The following C10orf88 variants were observed in gnomAD, a reference collection of about 807,000 sequenced individuals.
C10orf88 encodes ATPase PAAT.
Under a neutral mutation model 34.2 loss-of-function variants are expected in C10orf88, and 29 were observed. That is an observed-to-expected ratio of 0.85 (90% CI 0.63 to 1.16). The LOEUF (loss-of-function observed/expected upper bound fraction) is 1.16. Ranked by LOEUF, C10orf88 falls within the 50% of genes most tolerant of loss-of-function variation. The pLI is 0.00. For missense variants in C10orf88, 507 were observed against 533.2 expected (o/e 0.95, Z 0.48); for synonymous variants, 194 against 197.4 (o/e 0.98, Z 0.15).
chr10:122,952,498 T>C (rs1848699329), intron 2 of C10orf88, among the ~76,000 whole-genome samples: 1 of 152,258 alleles, frequency 6.6e-6, no homozygotes, highest in African/African-American at 2.4e-5. Flanking sequence ...CCAAATTAAC[T>C]TTCGGAAGAC....
intron 4 of C10orf88, among the ~76,000 whole-genome samples, chr10:122,938,925 C>T (rs1848559198): frequency 1.3e-5 from 2 of 151,954 alleles, no homozygotes; most frequent in Non-Finnish European, 2.9e-5. Context: ...TAGCCTAAGT[C>T]TTAAGGCATA....
At chr10:122,937,284 A>C (rs148791777) in intron 5 of C10orf88, among the ~76,000 whole-genome samples, 32 of 152,190 alleles carry the variant, frequency 2.1e-4, no homozygotes, top group African/African-American at 7.2e-4. Context: ...TAGTTTTTTA[A>C]TAATCAGGAA....
chr10:122,951,667 C>T (rs572837696), intron 3 of C10orf88, among the ~76,000 whole-genome samples: 8 of 152,150 alleles, frequency 5.3e-5, no homozygotes, highest in East Asian at 1.9e-4. Flanking sequence ...CTCATCTCTA[C>T]TAAAAATTTA....
intron 1 of C10orf88, 132 bp from the exon 2 acceptor site, chr10:122,953,164 G>A (rs909668627): frequency 2.8e-6 from 2 of 706,448 alleles, no homozygotes; most frequent in Admixed American, 2.4e-5. Context: ...TGCACGCTCC[G>A]CCTTCCGGGT....
At chr10:122,945,580 C>T (rs1274453932) in intron 4 of C10orf88, among the ~76,000 whole-genome samples, 1 of 151,850 alleles carries the variant, frequency 6.6e-6, no homozygotes, top group Non-Finnish European at 1.5e-5. Flanking sequence ...ACTTATGATC[C>T]TGACCCTCTG....
At position 122,937,989 on chromosome 10, in the gene C10orf88, T is replaced by C. The variant is rs1472609405; in HGVS notation, c.819A>G (p.Gln273=). 1.9e-6 allele frequency: 3 copies of C among 1,613,370 alleles called. No homozygotes were observed. The highest frequency in any genetic ancestry group is 2.2e-5 in the South Asian group (2 of 91,054). ...GTTGTGTACTTTTATCAATGTAAGT[T>C]TGTAAGTTTTCAGTCACGTTCCCAG... The part of the protein sequence containing the change: ...LTSGNVTENL[Q]TYIDKSTQLP... The change falls in exon 5 of 6, where the codon CAA becomes CAG. Residue 273 remains glutamine (Q), a synonymous_variant. Transcript: ENST00000481909.
intron 4 of C10orf88, among the ~76,000 whole-genome samples, chr10:122,945,080 GTA>G (rs1283491232): frequency 1.3e-3 from 190 of 150,584 alleles, no homozygotes; most frequent in African/African-American, 4.3e-3. Flanking sequence ...GTATATATAC[GTA>G]TATATATATG....
At chr10:122,947,774 T>TATCACC (rs1296733134) in intron 4 of C10orf88, among the ~76,000 whole-genome samples, 1 of 152,214 alleles carries the variant, frequency 6.6e-6, no homozygotes, top group African/African-American at 2.4e-5. Context: ...ATATTATTAG[T>TATCACC]ATCACCATCT....
In C10orf88 at chr10:122,953,147, G is replaced by A. The variant is rs189945964; in HGVS notation, c.165-115C>T. The A allele has an allele frequency of 5.0e-5, 40 of 806,908 alleles. No homozygotes were observed. The Admixed American group carries it at 7.9e-4, about 16-fold the overall frequency. 50.0% of individuals were successfully genotyped at this position (806,908 alleles called of 1,614,324 possible). On this transcript the variant is annotated intron_variant, in intron 1 of 5. Transcript: ENST00000481909. Reference sequence around the variant, plus strand: ...GGCTGGAATGCAGTGGCTCCATCTCGGCTCACTGCACGCTCCGCCTTCCGG... The same window carrying A: ...GGCTGGAATGCAGTGGCTCCATCTCAGCTCACTGCACGCTCCGCCTTCCGG...
intron 4 of C10orf88, among the ~76,000 whole-genome samples, chr10:122,941,040 C>A (rs1033259905): frequency 3.3e-5 from 5 of 151,706 alleles, no homozygotes; most frequent in Non-Finnish European, 7.4e-5. Flanking sequence ...TTTCCTATAC[C>A]TTTTTGCTTT....
chr10:122,934,161 A>T (rs1848511920), intron 5 of C10orf88, among the ~76,000 whole-genome samples: 1 of 152,182 alleles, frequency 6.6e-6, no homozygotes, highest in African/African-American at 2.4e-5. Flanking sequence ...GTCACATCTT[A>T]TCTACCTATA....
At position 122,937,705 on chromosome 10, in the gene C10orf88, C is replaced by T; in HGVS notation, c.1103G>A (p.Gly368Glu). The stretch of plus-strand genomic sequence containing the variant: ...TCGTATGTCTTAAAATAATACTTAC[C>T]CAACACCAAGAATGCGTTCACCATG... ...TKHGERILGV[G>E]MEEQSICSYL... Residue 368 changes from glycine to glutamate, a missense_variant and splice_region_variant, in exon 5 of 6, where the codon GGA becomes GAA. Gly to Glu is a moderately conservative substitution (Grantham distance 98). Coordinates refer to ENST00000481909, the MANE Select transcript of C10orf88 (RefSeq NM_024942.4). The T allele has an allele frequency of 6.3e-7, 1 of 1,592,724 alleles. No individual in the cohort carries two copies. Among genetic ancestry groups the T allele is most frequent in the Non-Finnish European group, 8.6e-7 (1 of 1,169,070 alleles).
intron 4 of C10orf88, among the ~76,000 whole-genome samples, chr10:122,945,154 A>C (rs1358303037): frequency 6.6e-6 from 1 of 152,006 alleles, no homozygotes; most frequent in Non-Finnish European, 1.5e-5. Context: ...ATGGACCCAC[A>C]TATGACAGTG....
chr10:122,948,610 T>C, intron 4 of C10orf88, 39 bp downstream of exon 4: 3 of 1,571,896 alleles, frequency 1.9e-6, no homozygotes, highest in Admixed American at 1.7e-5. Context: ...GGTTTTGAAA[T>C]CATTAATGTT....
intron 4 of C10orf88, among the ~76,000 whole-genome samples, chr10:122,939,632 A>G (rs1409751980): frequency 6.6e-6 from 1 of 151,986 alleles, no homozygotes; most frequent in Non-Finnish European, 1.5e-5. Flanking sequence ...AATAAGATGA[A>G]TTATGTAAAA....
intron 5 of C10orf88, among the ~76,000 whole-genome samples, chr10:122,934,532 G>A (rs1848516199): frequency 6.6e-6 from 1 of 152,168 alleles, no homozygotes; most frequent in Non-Finnish European, 1.5e-5. Context: ...AGCACTGCGT[G>A]ATATGGAGGT....
chr10:122,943,820 A>G (rs943683270), intron 4 of C10orf88, among the ~76,000 whole-genome samples: 4 of 152,244 alleles, frequency 2.6e-5, no homozygotes, highest in Non-Finnish European at 5.9e-5. Context: ...CAAAACCACA[A>G]TGAGATACCA....
At chr10:122,936,920 T>A (rs1346842281) in intron 5 of C10orf88, among the ~76,000 whole-genome samples, 3 of 152,042 alleles carry the variant, frequency 2.0e-5, no homozygotes, top group African/African-American at 7.2e-5. Context: ...AAATCTTCCA[T>A]AGATGCTTGA....
chr10:122,953,749 A>G (rs74159931), intron 1 of C10orf88, among the ~76,000 whole-genome samples: 1,487 of 122,738 alleles, frequency 0.012, 23 homozygotes, highest in African/African-American at 0.044. Flanking sequence ...CTGAGGGGCT[A>G]TCACGCCTGA....
Sources: gnomAD v4.1 joint callset for allele counts (sites outside exome capture counted in the v4.1 genomes callset) on GRCh38, gnomAD v4.1.1 for gene constraint, MANE v1.5 for transcripts, NCBI Gene and HGNC (gene_info 2026-07-23, HGNC 2026-07-21) for gene names.